Variants in CCT6B observed in about 807,000 individuals in gnomAD.
CCT6B encodes the protein chaperonin containing TCP1 subunit 6B, also known as probable T-complex protein 1 subunit zeta-2.
Under a neutral mutation model 61.5 loss-of-function variants are expected in CCT6B, and 49 were observed. The observed-to-expected ratio is 0.80, with a 90% CI of 0.63 to 1.01. The LOEUF (loss-of-function observed/expected upper bound fraction) is 1.01, where lower values mean the gene tolerates loss of function less well. CCT6B is among the 50% of genes least tolerant of loss of function. The pLI is 0.00. For missense variants in CCT6B, 666 were observed against 634.7 expected (o/e 1.05, Z -0.53); for synonymous variants, 228 against 214.5 (o/e 1.06, Z -0.55).
At chr17:34,929,771 C>T (rs887193916) in intron 12 of CCT6B, among the ~76,000 whole-genome samples, 3 of 152,130 alleles carry the variant, frequency 2.0e-5, no homozygotes, top group Non-Finnish European at 4.4e-5. Context: ...ACCTTGGCCT[C>T]CCAGAGTGCT....
intron 4 of CCT6B, 54 bp downstream of exon 4, chr17:34,954,372 T>C (rs993960656): frequency 7.3e-7 from 1 of 1,369,950 alleles, no homozygotes; most frequent in African/African-American, 1.5e-5. Context: ...AAAAGAAAAA[T>C]ATCACCATGC....
At chr17:34,952,652 CAT>C (rs2090304674) in intron 4 of CCT6B, among the ~76,000 whole-genome samples, 1 of 152,164 alleles carries the variant, frequency 6.6e-6, no homozygotes, top group Non-Finnish European at 1.5e-5. Flanking sequence ...TATTCTGTCA[CAT>C]ATGACCAGGG....
Position 34,938,562 on chromosome 17 carries a change from A to T in CCT6B, c.1213+621T>A, listed in dbSNP as rs575779562. On this transcript the variant is annotated intron_variant, in intron 10 of 13. Coordinates refer to ENST00000314144, the MANE Select transcript of CCT6B (RefSeq NM_006584.4). ...CAGAGCAAGACCCTGTCTTGAGAAA[A>T]ATATATATATGTGAGGTTTGCAGCC... Among the ~76,000 whole-genome samples, 24 of 151,944 alleles carry T rather than the reference A, an allele frequency of 1.6e-4. 1 individual carries two copies. In the South Asian group the frequency reaches 4.6e-3, roughly 29 times the overall value.
chr17:34,944,558 T>C (rs1277020037), intron 5 of CCT6B: 1 of 152,292 alleles, frequency 6.6e-6, no homozygotes, highest in Non-Finnish European at 1.5e-5. Flanking sequence ...TACCATTCTC[T>C]CTTGAGCCAC....
intron 4 of CCT6B, among the ~76,000 whole-genome samples, chr17:34,953,332 TA>T (rs1312831896): frequency 3.8e-5 from 5 of 132,750 alleles, no homozygotes; most frequent in Admixed American, 8.0e-5. Flanking sequence ...TATATATATA[TA>T]TATATATATT....
chr17:34,943,879 G>C (rs556982378), intron 5 of CCT6B: 4 of 151,570 alleles, frequency 2.6e-5, no homozygotes, highest in South Asian at 2.1e-4. Flanking sequence ...GAATATAGAT[G>C]ATTTGGAAAG....
chr17:34,957,999 CCATGGATA>C (rs2090367120), intron 3 of CCT6B, among the ~76,000 whole-genome samples: 1 of 151,878 alleles, frequency 6.6e-6, no homozygotes, highest in Non-Finnish European at 1.5e-5. Flanking sequence ...TCTTAATTAC[CCATGGATA>C]CATGGGTAAT....
intron 5 of CCT6B, among the ~76,000 whole-genome samples, chr17:34,945,902 T>C (rs1227170388): frequency 2.6e-5 from 4 of 152,198 alleles, no homozygotes; most frequent in Non-Finnish European, 5.9e-5. Flanking sequence ...GCAGGATCAG[T>C]AGGTTCTTTT....
rs2090375763 is a variant in CCT6B at position 34,958,666 on chromosome 17, A to G, written c.230T>C (p.Ile77Thr). The G allele has an allele frequency of 1.9e-6, 3 of 1,602,554 alleles. No homozygotes were observed. Among genetic ancestry groups the G allele is most frequent in the African/African-American group, 1.3e-5 (1 of 74,696 alleles). Residue 77 changes from isoleucine (I) to threonine (T), a missense_variant, in exon 3 of 14, where the codon ATA becomes ACA. Ile to Thr is a moderately conservative substitution (Grantham distance 89). Coordinates refer to ENST00000314144, the MANE Select transcript of CCT6B (RefSeq NM_006584.4). ...MQIQHPTASL[I>T]AKVATAQDDV... is the part of the protein sequence containing the mutation. ...ATCCTGAGCTGTTGCTACTTTTGCT[A>G]TCAAGGAAGCTGTTGGATGTTGAAT... is the stretch of plus-strand genomic sequence containing the variant.
In CCT6B at chr17:34,953,318, A is replaced by AATAT. The variant is rs757786280; in HGVS notation, c.510+1104_510+1107dup. Among the ~76,000 whole-genome samples, 313 of 141,096 alleles carry AATAT rather than the reference A, an allele frequency of 2.2e-3. 1 individual carries two copies. Among genetic ancestry groups the AATAT allele is most frequent in the Non-Finnish European group, 2.2e-3 (147 of 65,384 alleles). 92.6% of individuals were successfully genotyped at this position (141,096 alleles called of 152,430 possible). ...TCCAGCCAATCTTGTCTTTATATAA[A>AATAT]ATATATATATATATATATATATATT... is the stretch of plus-strand genomic sequence containing the variant. On this transcript the variant is annotated intron_variant, in intron 4 of 13. Coordinates refer to ENST00000314144, the MANE Select transcript of CCT6B (RefSeq NM_006584.4).
intron 2 of CCT6B, among the ~76,000 whole-genome samples, chr17:34,959,060 T>G (rs1268425226): frequency 3.3e-5 from 5 of 150,620 alleles, no homozygotes; most frequent in Non-Finnish European, 4.4e-5. Context: ...GATTTATAAG[T>G]ATGCCTAAGT....
rs935955357 is a variant in CCT6B, at chr17:34,961,444, AGCAAAAACGGCAAT to A, written c.-65_-52del. On this transcript the variant is annotated 5_prime_UTR_variant, in exon 1 of 14. Transcript: ENST00000314144. Reference sequence around the variant, plus strand: ...AAAAAAAGCCTTAGTCGCGATTCTGAGCAAAAACGGCAATGCGACGCCACGCTCTCTTGAGCCTC... The same window carrying A: ...AAAAAAAGCCTTAGTCGCGATTCTGAGCGACGCCACGCTCTCTTGAGCCTC... 2 of 1,561,514 alleles carry A rather than the reference AGCAAAAACGGCAAT, an allele frequency of 1.3e-6. No individual in the cohort carries two copies. Among genetic ancestry groups the A allele is most frequent in the African/African-American group, 2.8e-5 (2 of 72,276 alleles).
intron 5 of CCT6B, among the ~76,000 whole-genome samples, chr17:34,944,866 C>A (rs2090205941): frequency 6.6e-6 from 1 of 152,234 alleles, no homozygotes; most frequent in Non-Finnish European, 1.5e-5. Context: ...GCAGAGCTTG[C>A]AGTGAGCCGC....
intron 5 of CCT6B, 21 bp from the exon 6 acceptor site, chr17:34,942,927 T>C: frequency 3.6e-6 from 5 of 1,374,886 alleles, no homozygotes; most frequent in South Asian, 1.3e-5. Context: ...TATTAATGTT[T>C]CTTACTTTGA....
chr17:34,957,130 C>T (rs2090356157), intron 3 of CCT6B, among the ~76,000 whole-genome samples: 1 of 138,678 alleles, frequency 7.2e-6, no homozygotes, highest in Admixed American at 8.1e-5. Flanking sequence ...CTTTTTCTTT[C>T]CTTTTTCTTT....
chr17:34,943,490 A>C (rs1156628769), intron 5 of CCT6B: 1 of 152,236 alleles, frequency 6.6e-6, no homozygotes, highest in African/African-American at 2.4e-5. Context: ...ATGTAATAAC[A>C]TGGAAAAATA....
intron 6 of CCT6B, 71 bp from the exon 7 acceptor site, chr17:34,942,714 C>A: frequency 6.7e-7 from 1 of 1,483,938 alleles, no homozygotes; most frequent in Admixed American, 2.0e-5. Context: ...TAGTCTACAC[C>A]AAACATCTGG....
chr17:34,950,222 GA>G (rs1488544368), intron 5 of CCT6B, among the ~76,000 whole-genome samples: 39 of 152,282 alleles, frequency 2.6e-4, no homozygotes, highest in African/African-American at 8.9e-4. Context: ...ATAGTACTTT[GA>G]GAAAAATTTA....
At position 34,940,590 on chromosome 17, in the gene CCT6B, G is replaced by A; in HGVS notation, c.917C>T (p.Ala306Val). The change falls in exon 8 of 14, where the codon GCA becomes GTA. Residue 306 changes from alanine to valine, a missense_variant. By Grantham distance (64) the Ala-to-Val change is moderately conservative. Coordinates refer to ENST00000314144, the MANE Select transcript of CCT6B (RefSeq NM_006584.4). Reference sequence around the variant, plus strand: ...GCGAAGAGCTACTATTCCATGTTTTGCAAGAGAATCTAAGGAAAATGGATC... The same window carrying A: ...GCGAAGAGCTACTATTCCATGTTTTACAAGAGAATCTAAGGAAAATGGATC... The part of the protein sequence containing the change: ...GIDPFSLDSL[A>V]KHGIVALRRA... 1 of 1,572,412 alleles carries A rather than the reference G, an allele frequency of 6.4e-7. No individual in the cohort carries two copies. Among genetic ancestry groups the A allele is most frequent in the Non-Finnish European group, 8.7e-7 (1 of 1,155,510 alleles).
Sources: gnomAD v4.1 joint callset for allele counts (sites outside exome capture counted in the v4.1 genomes callset) on GRCh38, gnomAD v4.1.1 for gene constraint, MANE v1.5 for transcripts, NCBI Gene and HGNC (gene_info 2026-07-23, HGNC 2026-07-21) for gene names.